TMEM217B: variants seen among roughly 807,000 people sequenced by gnomAD.
The protein encoded by TMEM217B is putative transmembrane protein 217B.
At chr6:37,252,637 A>ATTTTTTTTT in the TMEM217B span, among the ~76,000 whole-genome samples, 3 of 71,358 alleles carry the variant, frequency 4.2e-5, no homozygotes, top group African/African-American at 1.6e-4. Flanking sequence ...ATATATATAT[A>ATTTTTTTTT]TTTTTTTTTT....
the TMEM217B span, among the ~76,000 whole-genome samples, chr6:37,236,323 G>A: frequency 2.6e-4 from 39 of 152,200 alleles, no homozygotes; most frequent in Non-Finnish European, 2.4e-4. Flanking sequence ...TTTAGGCCCT[G>A]AACTAAGCAT....
chr6:37,249,836 T>C, the TMEM217B span, among the ~76,000 whole-genome samples: 1 of 152,200 alleles, frequency 6.6e-6, no homozygotes, highest in African/African-American at 2.4e-5. Context: ...TGAAAAACAG[T>C]TGGGCAGTAT....
At chr6:37,225,411 G>A in the TMEM217B span, among the ~76,000 whole-genome samples, 1 of 151,960 alleles carries the variant, frequency 6.6e-6, no homozygotes, top group East Asian at 1.9e-4. Flanking sequence ...ACAAAAGTGG[G>A]CCATGCATGT....
the TMEM217B span, among the ~76,000 whole-genome samples, chr6:37,247,515 G>A: frequency 6.6e-6 from 1 of 151,556 alleles, no homozygotes; most frequent in East Asian, 1.9e-4. Flanking sequence ...AGCCTCCCAA[G>A]TAGCTGGGAC....
the TMEM217B span, among the ~76,000 whole-genome samples, chr6:37,235,651 C>G: frequency 6.6e-6 from 1 of 152,192 alleles, no homozygotes; most frequent in Admixed American, 6.5e-5. Flanking sequence ...CAGGCGTGAG[C>G]CACCACGCCT....
the TMEM217B span, among the ~76,000 whole-genome samples, chr6:37,244,306 C>T: frequency 2.6e-5 from 4 of 152,204 alleles, no homozygotes; most frequent in South Asian, 2.1e-4. Flanking sequence ...CTCTTACTGT[C>T]GTAGTTTTGC....
chr6:37,249,262 A>G, the TMEM217B span, among the ~76,000 whole-genome samples: 1 of 152,212 alleles, frequency 6.6e-6, no homozygotes, highest in African/African-American at 2.4e-5. Context: ...CCATGCAGAA[A>G]TTTATGGCAA....
the TMEM217B span, among the ~76,000 whole-genome samples, chr6:37,247,654 G>A: frequency 6.6e-6 from 1 of 152,082 alleles, no homozygotes; most frequent in African/African-American, 2.4e-5. Flanking sequence ...CCAAAGTGCT[G>A]GGATTACAGG....
chr6:37,215,292 T>TA, the TMEM217B span: 10 of 1,607,786 alleles, frequency 6.2e-6, no homozygotes, highest in Non-Finnish European at 7.6e-6. Flanking sequence ...GCTAGACAAA[T>TA]AAAAAAACAA....
At chr6:37,257,787 T>G in the TMEM217B span, 2 of 973,560 alleles carry the variant, frequency 2.1e-6, no homozygotes, top group African/African-American at 3.3e-5. Context: ...CAAGATGGCG[T>G]CCCCAGGAGC....
At chr6:37,233,533 C>G in the TMEM217B span, among the ~76,000 whole-genome samples, 610 of 152,316 alleles carry the variant, frequency 4.0e-3, 4 homozygotes, top group African/African-American at 0.014. Context: ...TCCTCTTTTA[C>G]GAGGGCATTA....
chr6:37,224,806 T>C, the TMEM217B span, among the ~76,000 whole-genome samples: 636 of 152,140 alleles, frequency 4.2e-3, no homozygotes, highest in African/African-American at 0.014. Context: ...GATAACCTTT[T>C]CATAAAAATC....
chr6:37,216,633 G>A, the TMEM217B span, among the ~76,000 whole-genome samples: 4 of 152,190 alleles, frequency 2.6e-5, no homozygotes, highest in African/African-American at 9.7e-5. Context: ...GAGGATGGGA[G>A]CGGGGAAGAC....
chr6:37,218,836 A>T, the TMEM217B span: 2 of 1,614,230 alleles, frequency 1.2e-6, no homozygotes, highest in East Asian at 4.5e-5. Context: ...GGACGATTTT[A>T]AAACTCCAGC....
the TMEM217B span, among the ~76,000 whole-genome samples, chr6:37,237,271 G>C: frequency 1.3e-5 from 2 of 152,270 alleles, no homozygotes; most frequent in African/African-American, 4.8e-5. Context: ...GGAAACAAAA[G>C]TCATCATGAC....
the TMEM217B span, among the ~76,000 whole-genome samples, chr6:37,241,742 G>A: frequency 6.6e-6 from 1 of 152,042 alleles, no homozygotes; most frequent in Non-Finnish European, 1.5e-5. Flanking sequence ...TGGACATTTT[G>A]TATATATATA....
the TMEM217B span, among the ~76,000 whole-genome samples, chr6:37,230,232 G>A: frequency 6.6e-6 from 1 of 152,194 alleles, no homozygotes; most frequent in Non-Finnish European, 1.5e-5. Flanking sequence ...TTATGGGTTC[G>A]TGTGGTAAGA....
the TMEM217B span, among the ~76,000 whole-genome samples, chr6:37,240,792 G>T: frequency 3.9e-5 from 6 of 152,086 alleles, no homozygotes; most frequent in African/African-American, 1.4e-4. Context: ...TCAAATGGTT[G>T]TTACTAATTC....
At chr6:37,254,928 A>G in the TMEM217B span, among the ~76,000 whole-genome samples, 1 of 152,192 alleles carries the variant, frequency 6.6e-6, no homozygotes, top group African/African-American at 2.4e-5. Flanking sequence ...GATTCTCATA[A>G]GGAGTGCGCA....
Sources: allele counts gnomAD v4.1 joint callset (sites outside exome capture counted in the v4.1 genomes callset), GRCh38; gene constraint gnomAD v4.1.1; transcripts MANE v1.5; gene names NCBI Gene and HGNC (gene_info 2026-07-23, HGNC 2026-07-21).